RABGGTB: variants seen among roughly 807,000 people sequenced by gnomAD.
RABGGTB encodes the protein Rab geranylgeranyltransferase subunit beta.
Under a neutral mutation model 44.5 loss-of-function variants are expected in RABGGTB, and 20 were observed. The observed-to-expected ratio is 0.45, with a 90% CI of 0.32 to 0.65. The LOEUF is 0.65. Ranked by LOEUF, RABGGTB falls within the 30% of genes least tolerant of loss-of-function variation. The pLI, the probability that RABGGTB is intolerant of heterozygous loss-of-function variation, is 0.05. For missense variants in RABGGTB, 302 were observed against 398.7 expected, an observed-to-expected ratio of 0.76 and a Z score of 2.06; for synonymous variants, 128 against 136.7, an observed-to-expected ratio of 0.94 and a Z score of 0.44.
At chr1:75,789,816 G>C in intron 3 of RABGGTB, 136 bp from the exon 4 acceptor site, 2 of 638,420 alleles carry the variant, frequency 3.1e-6, no homozygotes, top group South Asian at 1.9e-5. Flanking sequence ...TCAATAACAG[G>C]AGAGTCTGCA....
At position 75,791,720 on chromosome 1, in the gene RABGGTB, A is replaced by G. The variant is rs1052949574; in HGVS notation, c.579+149A>G. The G allele has an allele frequency of 5.1e-5, 35 of 681,168 alleles. No individual in the cohort carries two copies. In the South Asian group the frequency reaches 6.0e-4, roughly 12 times the overall value. The allele number at this position is 681,168 out of a possible 1,614,324, so 42.2% of individuals were successfully genotyped here. ...CTTACATAAGAATTGCTTAATTGCT[A>G]TCATTACTTTGCTTTATATACTATA... On this transcript the variant is annotated intron_variant, in intron 6 of 8. Transcript: ENST00000319942.
rs1649737987 is a variant in RABGGTB at position 75,795,046 on chromosome 1, A to G, written c.*396A>G. ...GTGGATAGAACCCATACATGAATTA[A>G]ATGATGCACAAAATAAATGGCTGTT... On this transcript the variant is annotated 3_prime_UTR_variant, in exon 9 of 9. Transcript: ENST00000319942. 1 of 273,652 alleles carries G rather than the reference A, an allele frequency of 3.7e-6. No homozygotes were observed. The highest frequency in any genetic ancestry group is 2.3e-5 in the African/African-American group (1 of 44,180). The allele number at this position is 273,652 out of a possible 1,614,324, so 17.0% of individuals were successfully genotyped here. A position where few individuals can be genotyped will look rare whatever the true frequency, so the allele number is the denominator to read the frequency against.
Position 75,794,377 on chromosome 1 carries a change from TAGAAC to T in RABGGTB, c.856-131_856-127del, listed in dbSNP as rs1649719522. On this transcript the variant is annotated intron_variant, in intron 8 of 8. Coordinates refer to ENST00000319942, the MANE Select transcript of RABGGTB (RefSeq NM_004582.4). ...TTTATTGTAGAGTGTATGAAGGATATAGAACAATCTTACAGAAATTTCTTGTCGCT... is the reference window on the plus strand; with the variant it reads ...TTTATTGTAGAGTGTATGAAGGATATAATCTTACAGAAATTTCTTGTCGCT... The T allele has an allele frequency of 5.4e-6, 7 of 1,299,032 alleles. No individual in the cohort carries two copies. In the Admixed American group the frequency reaches 1.7e-4, roughly 31 times the overall value. The allele number at this position is 1,299,032 out of a possible 1,614,324, so 80.5% of individuals were successfully genotyped here. A position where few individuals can be genotyped will look rare whatever the true frequency, so the allele number is the denominator to read the frequency against.
intron 3 of RABGGTB, 24 bp downstream of exon 3, chr1:75,789,380 C>T (rs1169746943): frequency 1.8e-5 from 29 of 1,593,494 alleles, no homozygotes; most frequent in South Asian, 3.3e-5. Flanking sequence ...AAAATTGCAA[C>T]GATCTTGATA....
intron 2 of RABGGTB, chr1:75,788,017 G>A (rs1474215667): frequency 2.1e-6 from 1 of 470,566 alleles, no homozygotes; most frequent in Non-Finnish European, 4.3e-6. Flanking sequence ...GAAAACTCTG[G>A]GACAATCTTA....
chr1:75,794,067 A>C lies in RABGGTB; in HGVS notation c.706-17A>C. The C allele has an allele frequency of 6.4e-7, 1 of 1,565,982 alleles. No individual in the cohort carries two copies. Among genetic ancestry groups the C allele is most frequent in the East Asian group, 2.3e-5 (1 of 44,358 alleles). On this transcript the variant is annotated splice_polypyrimidine_tract_variant and intron_variant, in intron 7 of 8. Transcript: ENST00000319942. ...AATAAAAGAGAATGAAATTGTGGCAACTTTTTTCCCTCCTAGTTACCAGAT... is the reference window on the plus strand; with the variant it reads ...AATAAAAGAGAATGAAATTGTGGCACCTTTTTTCCCTCCTAGTTACCAGAT...
In RABGGTB at chr1:75,789,186, A is replaced by G; in HGVS notation, c.139A>G (p.Met47Val). Residue 47 changes from methionine to valine, a missense_variant, in exon 3 of 9, where the codon ATG (methionine) becomes GTG (valine). This residue lies in a region of RABGGTB where 89 missense variants were observed against 75.0 expected (regional missense o/e 1.19). Transcript: ENST00000319942. ...ATACTGTATGTCTGAGTATTTGAGA[A>G]TGAGTGGCATCTATTGGGGTCTGAC... Reference protein sequence around the residue: ...YEYCMSEYLRMSGIYWGLTVM... With the variant: ...YEYCMSEYLRVSGIYWGLTVM... 1 of 1,614,020 alleles carries G rather than the reference A, an allele frequency of 6.2e-7. No homozygotes were observed. Among genetic ancestry groups the G allele is most frequent in the Non-Finnish European group, 8.5e-7 (1 of 1,179,900 alleles).
At chr1:75,791,388 A>ATT in intron 5 of RABGGTB, 51 bp downstream of exon 5, 1 of 1,525,004 alleles carries the variant, frequency 6.6e-7, no homozygotes, top group South Asian at 1.2e-5. Flanking sequence ...AATACTCTGG[A>ATT]ATTTTTTTTT....
chr1:75,787,928 C>T (rs762050313), intron 2 of RABGGTB: 14 of 569,736 alleles, frequency 2.5e-5, no homozygotes, highest in Non-Finnish European at 4.1e-5. Flanking sequence ...GAATCTATTG[C>T]TGATGTGTAA....
At position 75,792,257 on chromosome 1, in the gene RABGGTB, T is replaced by G; in HGVS notation, c.656T>G (p.Leu219Arg). ...QVNSDLLGWW[L>R]CERQLPSGGL... Reference sequence around the variant, plus strand: ...AATTCTGATTTACTTGGCTGGTGGCTTTGTGAACGACAATTACCCTCAGGC... The same window carrying G: ...AATTCTGATTTACTTGGCTGGTGGCGTTGTGAACGACAATTACCCTCAGGC... The change falls in exon 7 of 9, where the codon CTT becomes CGT. Residue 219 changes from leucine to arginine, a missense_variant. Physicochemically the swap from Leu to Arg is moderately radical, Grantham distance 102. Coordinates refer to ENST00000319942, the MANE Select transcript of RABGGTB (RefSeq NM_004582.4). 6.2e-7 allele frequency: 1 copy of G among 1,614,102 alleles called. No individual in the cohort carries two copies. The highest frequency in any genetic ancestry group is 8.5e-7 in the Non-Finnish European group (1 of 1,179,976).
At chr1:75,787,034 A>C (rs1205738475) in intron 1 of RABGGTB, 1 of 510,618 alleles carries the variant, frequency 2.0e-6, no homozygotes, top group Admixed American at 2.0e-5. Flanking sequence ...TTTTTGAATG[A>C]AAAGTGAACA....
At chr1:75,793,126 A>C (rs1175777741) in intron 7 of RABGGTB, among the ~76,000 whole-genome samples, 1 of 143,332 alleles carries the variant, frequency 7.0e-6, no homozygotes, top group African/African-American at 2.6e-5. Context: ...ACTATATTTA[A>C]ATGATTTATA....
chr1:75,787,696 C>T, intron 2 of RABGGTB, 92 bp downstream of exon 2: 1 of 1,008,230 alleles, frequency 9.9e-7, no homozygotes, highest in African/African-American at 1.6e-5. Flanking sequence ...AAAATGGCAT[C>T]CAACTCCATG....
At chr1:75,790,151 G>GCAGTCCCACTAAGCA in intron 4 of RABGGTB, 94 bp downstream of exon 4, 3 of 1,561,072 alleles carry the variant, frequency 1.9e-6, no homozygotes, top group Non-Finnish European at 2.6e-6. Context: ...CATCTTTTCA[G>GCAGTCCCACTAAGCA]GTCCCACTAA....
chr1:75,793,739 A>G (rs906222453), intron 7 of RABGGTB: 1 of 191,360 alleles, frequency 5.2e-6, no homozygotes, highest in African/African-American at 2.3e-5. Context: ...ATACCCATGG[A>G]TTTCATGATT....
Position 75,786,286 on chromosome 1 carries a change from T to A in RABGGTB, c.3+12T>A. The stretch of plus-strand genomic sequence containing the variant: ...CCCTGTTAGACATGGTAAGTGTGAG[T>A]TTAGCGCTGCTGTCCGGATGGGTTG... On this transcript the variant is annotated intron_variant, in intron 1 of 8. Transcript: ENST00000319942. The A allele has an allele frequency of 6.2e-7, 1 of 1,614,040 alleles. No homozygotes were observed.
rs1649734771 is a variant in RABGGTB at position 75,794,923 on chromosome 1, T to G, written c.*273T>G. 1 of 193,164 alleles carries G rather than the reference T, an allele frequency of 5.2e-6. No homozygotes were observed. Among genetic ancestry groups the G allele is most frequent in the South Asian group, 1.2e-4 (1 of 8,640 alleles). 12.0% of individuals were successfully genotyped at this position (193,164 alleles called of 1,614,324 possible). On this transcript the variant is annotated 3_prime_UTR_variant, in exon 9 of 9. Coordinates refer to ENST00000319942, the MANE Select transcript of RABGGTB (RefSeq NM_004582.4). ...TAACTGAGCTAACATAAAATAACTC[T>G]AGGTTTCTACTTGATTTTTCCCCCA...
intron 1 of RABGGTB, among the ~76,000 whole-genome samples, chr1:75,786,526 C>T (rs916296960): frequency 3.3e-5 from 5 of 152,006 alleles, no homozygotes; most frequent in African/African-American, 1.2e-4. Flanking sequence ...AGCCCGATTT[C>T]TGAACCCCTC....
intron 8 of RABGGTB, 78 bp downstream of exon 8, chr1:75,794,311 T>G: frequency 1.3e-6 from 2 of 1,494,336 alleles, no homozygotes; most frequent in Non-Finnish European, 9.0e-7. Context: ...ATTTCCAGGG[T>G]GGCATTCCGA....
Sources: gnomAD v4.1 joint callset for allele counts (sites outside exome capture counted in the v4.1 genomes callset) on GRCh38, gnomAD v4.1.1 for gene constraint, gnomAD v4.1.1 regional missense constraint, MANE v1.5 for transcripts, NCBI Gene and HGNC (gene_info 2026-07-23, HGNC 2026-07-21) for gene names.